The following CEP63 variants were observed in gnomAD, a reference collection of about 807,000 sequenced individuals.
CEP63 encodes the protein centrosomal protein 63, also known as centrosomal protein of 63 kDa.
In CEP63, 84 loss-of-function variants were observed where a neutral mutation model predicts 89.1. The observed-to-expected ratio is 0.94, with a 90% confidence interval of 0.79 to 1.13. The LOEUF is 1.13. Among genes scored for constraint, CEP63 ranks in the 50% most tolerant of loss-of-function variants. CEP63 has a pLI of 0.00. For synonymous variants in CEP63, 267 were observed against 272.5 expected (o/e 0.98, Z 0.20); for missense variants, 838 against 813.3 (o/e 1.03, Z -0.37).
At chr3:134,599,317 G>T in the CEP63 span, among the ~76,000 whole-genome samples, 2 of 152,156 alleles carry the variant, frequency 1.3e-5, no homozygotes, top group African/African-American at 4.8e-5. Context: ...GAAGCATGCT[G>T]GGCCTCGTTT....
At chr3:134,743,247 G>T in the CEP63 span, among the ~76,000 whole-genome samples, 1 of 152,084 alleles carries the variant, frequency 6.6e-6, no homozygotes, top group Non-Finnish European at 1.5e-5. Context: ...TCAACTTGTT[G>T]GGTGAGTATT....
the CEP63 span, chr3:134,629,637 C>G: frequency 5.0e-6 from 8 of 1,601,054 alleles, no homozygotes; most frequent in South Asian, 1.1e-5. Flanking sequence ...CCAAGGAGAA[C>G]TTCTTGAGCA....
the CEP63 span, among the ~76,000 whole-genome samples, chr3:134,713,210 T>C: frequency 6.6e-6 from 1 of 152,316 alleles, no homozygotes; most frequent in South Asian, 2.1e-4. Context: ...CTCTTTCTTT[T>C]TGGCTGAGTC....
chr3:134,730,684 A>G, the CEP63 span, among the ~76,000 whole-genome samples: 1 of 152,124 alleles, frequency 6.6e-6, no homozygotes, highest in East Asian at 1.9e-4. Context: ...AACTTAAAAA[A>G]ATGAAAATAG....
chr3:134,617,770 G>A, the CEP63 span, among the ~76,000 whole-genome samples: 1 of 152,314 alleles, frequency 6.6e-6, no homozygotes, highest in African/African-American at 2.4e-5. Context: ...GCGGGGCCTG[G>A]AAGGAGCTCT....
At chr3:134,486,503 G>A in intron 1 of CEP63, 1 of 985,774 alleles carries the variant, frequency 1.0e-6, no homozygotes, top group Non-Finnish European at 1.2e-6. Flanking sequence ...CCCGCCAGGT[G>A]GTCAGCCCTT....
chr3:134,496,547 C>G (rs1396292492), intron 2 of CEP63, among the ~76,000 whole-genome samples: 1 of 152,116 alleles, frequency 6.6e-6, no homozygotes, highest in Non-Finnish European at 1.5e-5. Flanking sequence ...TGACAGATGC[C>G]AGGTGCTGAT....
chr3:134,728,877 G>A, the CEP63 span, among the ~76,000 whole-genome samples: 5,296 of 151,832 alleles, frequency 0.035, 281 homozygotes, highest in African/African-American at 0.12. Flanking sequence ...ATTTTCTCTC[G>A]TCAAAAGATT....
the CEP63 span, among the ~76,000 whole-genome samples, chr3:134,637,011 C>CA: frequency 2.6e-5 from 4 of 152,278 alleles, no homozygotes; most frequent in East Asian, 3.9e-4. Flanking sequence ...CATAGAATAA[C>CA]AATACTGTCT....
At chr3:134,595,754 C>T in the CEP63 span, among the ~76,000 whole-genome samples, 1 of 152,182 alleles carries the variant, frequency 6.6e-6, no homozygotes, top group Non-Finnish European at 1.5e-5. Context: ...CTGGATACCA[C>T]TGGATACCAC....
chr3:134,623,541 C>A, the CEP63 span, among the ~76,000 whole-genome samples: 1 of 151,672 alleles, frequency 6.6e-6, no homozygotes. Context: ...CTGCTCCATG[C>A]CCCCTTGTTC....
chr3:134,668,166 C>T, the CEP63 span, among the ~76,000 whole-genome samples: 3 of 152,144 alleles, frequency 2.0e-5, no homozygotes, highest in Admixed American at 6.5e-5. Context: ...TAAAATCCTA[C>T]TGATGGAAAT....
chr3:134,764,058 A>C, the CEP63 span, among the ~76,000 whole-genome samples: 1 of 152,358 alleles, frequency 6.6e-6, no homozygotes, highest in South Asian at 2.1e-4. Context: ...AAACTGTACA[A>C]GACATGGGCA....
the CEP63 span, among the ~76,000 whole-genome samples, chr3:134,777,208 C>T: frequency 6.6e-6 from 1 of 152,124 alleles, no homozygotes; most frequent in African/African-American, 2.4e-5. Flanking sequence ...TAATAAAGGC[C>T]CCTTTGGTTC....
At chr3:134,690,420 C>G in the CEP63 span, among the ~76,000 whole-genome samples, 3 of 152,336 alleles carry the variant, frequency 2.0e-5, no homozygotes, top group African/African-American at 7.2e-5. Context: ...CAGCCTGGTC[C>G]TGGTCCACAA....
chr3:134,582,932 A>G (rs1958395336), intron 10 of CEP63, among the ~76,000 whole-genome samples: 1 of 152,334 alleles, frequency 6.6e-6, no homozygotes, highest in Non-Finnish European at 1.5e-5. Context: ...ATGACCAGTG[A>G]TGATGAGCAT....
At chr3:134,568,622 G>A (rs1276626634), downstream of CEP63, among the ~76,000 whole-genome samples, 1 of 152,208 alleles carries the variant, frequency 6.6e-6, no homozygotes, top group Non-Finnish European at 1.5e-5. Flanking sequence ...TTGGTGATAT[G>A]TTCAACCTGC....
In CEP63 at chr3:134,551,994, G is replaced by A. The variant is rs777829903; in HGVS notation, c.1449G>A (p.Leu483=). 44 of 1,600,384 alleles carry A rather than the reference G, an allele frequency of 2.7e-5. No homozygotes were observed. The South Asian group carries it at 4.0e-4, about 15-fold the overall frequency. Residue 483 remains leucine, a synonymous_variant, in exon 12 of 15, where the codon TTG becomes TTA. Coordinates refer to ENST00000675561, the MANE Select transcript of CEP63 (RefSeq NM_001353108.3). ...ATCTTTCTGAAATGGTGATGAAATT[G>A]GAATTGGGTTTACATGAGGTACATA... is the stretch of plus-strand genomic sequence containing the variant. The part of the protein sequence containing the change: ...NRHLSEMVMK[L]ELGLHEAKEI...
chr3:134,612,069 C>G, the CEP63 span, among the ~76,000 whole-genome samples: 1 of 152,178 alleles, frequency 6.6e-6, no homozygotes, highest in Non-Finnish European at 1.5e-5. Flanking sequence ...CTGCCTTAAC[C>G]TCTGCTCACC....
Sources: gnomAD v4.1 joint callset for allele counts (sites outside exome capture counted in the v4.1 genomes callset) on GRCh38, gnomAD v4.1.1 for gene constraint, MANE v1.5 for transcripts, NCBI Gene and HGNC (gene_info 2026-07-23, HGNC 2026-07-21) for gene names.